EFCAB11: variants seen among roughly 807,000 people sequenced by gnomAD.
EFCAB11 encodes EF-hand calcium-binding domain-containing protein 11.
EFCAB11 carries 14 observed loss-of-function variants against 23.0 expected under a neutral mutation model. The observed-to-expected ratio is 0.61, with a 90% CI of 0.40 to 0.95. EFCAB11 has a LOEUF of 0.95. EFCAB11 is among the 40% of genes least tolerant of loss of function. The pLI is 0.00. For missense variants in EFCAB11, 198 were observed against 195.8 expected (o/e 1.01, Z -0.07); for synonymous variants, 65 against 66.6 (o/e 0.98, Z 0.11).
intron 5 of EFCAB11, among the ~76,000 whole-genome samples, chr14:89,805,073 A>G (rs1050402597): frequency 6.6e-6 from 1 of 152,210 alleles, no homozygotes; most frequent in Non-Finnish European, 1.5e-5. Flanking sequence ...GTGAAGGGTA[A>G]GAGAATGTCC....
At chr14:89,806,209 T>C (rs1275437742) in intron 5 of EFCAB11, among the ~76,000 whole-genome samples, 1 of 152,196 alleles carries the variant, frequency 6.6e-6, no homozygotes, top group Non-Finnish European at 1.5e-5. Flanking sequence ...TTTTTCCTAT[T>C]TACTAAATTT....
At chr14:89,832,554 G>C (rs543623426) in intron 5 of EFCAB11, among the ~76,000 whole-genome samples, 4 of 152,192 alleles carry the variant, frequency 2.6e-5, no homozygotes, top group African/African-American at 9.6e-5. Context: ...TTCTTACTCT[G>C]GGCTCAGCAC....
chr14:89,910,854 A>T (rs1220677111), intron 5 of EFCAB11, among the ~76,000 whole-genome samples: 2 of 152,176 alleles, frequency 1.3e-5, no homozygotes, highest in Non-Finnish European at 2.9e-5. Context: ...AGCTACTTCT[A>T]TCTCTTTAGA....
In EFCAB11 at chr14:89,797,257, G is replaced by C; in HGVS notation, c.478C>G (p.Gln160Glu). The change falls in exon 6 of 6, where the codon CAG becomes GAG. Residue 160 changes from glutamine (Q) to glutamate (E), a missense_variant. Transcript: ENST00000316738. ...GTTCACAATAGTTAGGCTTCCTTCT[G>C]TCCATAGTTCAGGGCATATTCAAAG... is the stretch of plus-strand genomic sequence containing the variant. ...RDFEYALNYGQKEA is the reference protein window; with the variant it reads ...RDFEYALNYGEKEA 1 of 1,613,272 alleles carries C rather than the reference G, an allele frequency of 6.2e-7. No individual in the cohort carries two copies. The highest frequency in any genetic ancestry group is 1.1e-5 in the South Asian group (1 of 91,060).
intron 5 of EFCAB11, chr14:89,931,301 T>C: frequency 2.1e-6 from 1 of 475,150 alleles, no homozygotes. Flanking sequence ...TACTCATAAG[T>C]GCTTGTATGC....
chr14:89,841,965 G>A (rs1887283044), intron 5 of EFCAB11, among the ~76,000 whole-genome samples: 1 of 152,048 alleles, frequency 6.6e-6, no homozygotes, highest in African/African-American at 2.4e-5. Context: ...TACCCTACAG[G>A]AACTCAAGTC....
intron 5 of EFCAB11, among the ~76,000 whole-genome samples, chr14:89,915,410 A>G (rs902764145): frequency 6.6e-6 from 1 of 152,252 alleles, no homozygotes; most frequent in African/African-American, 2.4e-5. Flanking sequence ...GCTCCTGGTT[A>G]ACCTTCTGTT....
At position 89,852,430 on chromosome 14, in the gene EFCAB11, C is replaced by T. The variant is rs73318885; in HGVS notation, c.411-55106G>A. Among the ~76,000 whole-genome samples, 349 of 152,246 alleles carry T rather than the reference C, an allele frequency of 2.3e-3. 2 individuals carry two copies. The highest frequency in any genetic ancestry group is 8.1e-3 in the African/African-American group (335 of 41,544). ...AGACTCACGCTCAGCCAAAGAAGTTCGCCTTGTTCGAGGTTATGCCCCTCC... is the reference window on the plus strand; with the variant it reads ...AGACTCACGCTCAGCCAAAGAAGTTTGCCTTGTTCGAGGTTATGCCCCTCC... On this transcript the variant is annotated intron_variant, in intron 5 of 5. Coordinates refer to ENST00000316738, the MANE Select transcript of EFCAB11 (RefSeq NM_145231.4).
chr14:89,938,841 T>C (rs111546207), intron 3 of EFCAB11, among the ~76,000 whole-genome samples: 4,722 of 151,778 alleles, frequency 0.031, 111 homozygotes, highest in African/African-American at 0.068. Context: ...AAGAATCACA[T>C]GTTCACCTCC....
intron 5 of EFCAB11, among the ~76,000 whole-genome samples, chr14:89,929,277 T>C (rs1890308904): frequency 6.6e-6 from 1 of 152,124 alleles, no homozygotes; most frequent in Non-Finnish European, 1.5e-5. Context: ...CTTGAACTCT[T>C]GGCCTCAAGC....
At chr14:89,805,997 T>A (rs1885957027) in intron 5 of EFCAB11, among the ~76,000 whole-genome samples, 1 of 152,212 alleles carries the variant, frequency 6.6e-6, no homozygotes, top group South Asian at 2.1e-4. Context: ...ATCTAAAGAG[T>A]AACTTGCTTG....
Position 89,931,531 on chromosome 14 carries a change from G to C in EFCAB11, c.410+10C>G. On this transcript the variant is annotated intron_variant, in intron 5 of 5. Transcript: ENST00000316738. ...AAAAGGTGGTGTACAGAAGGATTTT[G>C]ATGCCTTACCTGAATACCTCAAGAA... is the stretch of plus-strand genomic sequence containing the variant. 6.2e-7 allele frequency: 1 copy of C among 1,609,342 alleles called. No homozygotes were observed. The highest frequency in any genetic ancestry group is 8.5e-7 in the Non-Finnish European group (1 of 1,178,034).
rs1437174253 is a variant in EFCAB11 at position 89,932,577 on chromosome 14, G to A, written c.268C>T (p.Gln90Ter). Residue 90 changes from glutamine to a stop codon, truncating the protein, a stop_gained, in exon 4 of 6, where the codon CAA becomes TAA. Coordinates refer to ENST00000316738, the MANE Select transcript of EFCAB11 (RefSeq NM_145231.4). LOFTEE classifies it high-confidence loss of function. ...TGTCTTACTTCGTTCCGATATCGTT[G>A]AGCTTCCTTCTTTTTCCTGACAATA... is the stretch of plus-strand genomic sequence containing the variant. ...LNIVRKKKEA[Q>*]RYRNEVRHIF... is the part of the protein sequence containing the mutation. 1 of 1,613,652 alleles carries A rather than the reference G, an allele frequency of 6.2e-7. No individual in the cohort carries two copies. Among genetic ancestry groups the A allele is most frequent in the Non-Finnish European group, 8.5e-7 (1 of 1,179,908 alleles).
intron 5 of EFCAB11, among the ~76,000 whole-genome samples, chr14:89,861,452 A>G (rs1191224816): frequency 6.6e-6 from 1 of 152,214 alleles, no homozygotes; most frequent in Admixed American, 6.5e-5. Context: ...GTTCTCTGGT[A>G]TCTGCTGCAG....
chr14:89,801,761 C>G (rs753727264), intron 5 of EFCAB11, among the ~76,000 whole-genome samples: 1 of 152,030 alleles, frequency 6.6e-6, no homozygotes, highest in Non-Finnish European at 1.5e-5. Flanking sequence ...TGGGAGGCCG[C>G]GGCAGGTGGA....
At chr14:89,810,751 G>A (rs1268451805) in intron 5 of EFCAB11, among the ~76,000 whole-genome samples, 3 of 82,424 alleles carry the variant, frequency 3.6e-5, no homozygotes, top group East Asian at 2.7e-4. Context: ...GTGAGACTCC[G>A]TCTCAAAAAA....
At chr14:89,939,584 C>T (rs1487523180) in intron 3 of EFCAB11, among the ~76,000 whole-genome samples, 2 of 152,198 alleles carry the variant, frequency 1.3e-5, no homozygotes, top group Non-Finnish European at 2.9e-5. Context: ...TTTCAAATCC[C>T]ACCCATCCTT....
At chr14:89,954,496 C>G in intron 1 of EFCAB11, 90 bp downstream of exon 1, 1 of 1,561,560 alleles carries the variant, frequency 6.4e-7, no homozygotes, top group Non-Finnish European at 8.7e-7. Flanking sequence ...TATCTGCACA[C>G]CCGGCAGAGT....
intron 5 of EFCAB11, chr14:89,799,429 A>G (rs553891921): frequency 1.3e-5 from 2 of 152,314 alleles, no homozygotes; most frequent in East Asian, 3.9e-4. Flanking sequence ...AATTATTCTG[A>G]AGAAGGAAGG....
Sources: allele counts gnomAD v4.1 joint callset (sites outside exome capture counted in the v4.1 genomes callset), GRCh38; gene constraint gnomAD v4.1.1; transcripts MANE v1.5; gene names NCBI Gene and HGNC (gene_info 2026-07-23, HGNC 2026-07-21).